FRMD5: variants seen among roughly 807,000 people sequenced by gnomAD.
FRMD5 encodes the protein FERM domain containing 5.
FRMD5 carries 20 observed loss-of-function variants against 69.0 expected under a neutral mutation model. The ratio of observed to expected loss-of-function variants is 0.29; its 90% CI spans 0.20 to 0.42. The LOEUF (loss-of-function observed/expected upper bound fraction) is 0.42, where lower values mean the gene tolerates loss of function less well. Among genes scored for constraint, FRMD5 ranks in the 10% least tolerant of loss-of-function variants. The pLI is 1.00. For synonymous variants in FRMD5, 271 were observed against 260.1 expected, an observed-to-expected ratio of 1.04 and a Z score of -0.40; for missense variants, 595 against 708.6, an observed-to-expected ratio of 0.84 and a Z score of 1.82.
chr15:44,002,148 C>T (rs990920269), intron 1 of FRMD5, among the ~76,000 whole-genome samples: 3 of 152,170 alleles, frequency 2.0e-5, no homozygotes, highest in African/African-American at 7.2e-5. Flanking sequence ...GCCCATCTTA[C>T]CCTTTCTCTG....
Position 43,874,192 on chromosome 15 carries a change from G to C in FRMD5, c.1406C>G (p.Ala469Gly), listed in dbSNP as rs761718941. 2 of 1,614,230 alleles carry C rather than the reference G, an allele frequency of 1.2e-6. No individual in the cohort carries two copies. Among genetic ancestry groups the C allele is most frequent in the South Asian group, 2.2e-5 (2 of 91,082 alleles). Residue 469 changes from alanine to glycine, a missense_variant, in exon 14 of 14, where the codon GCT becomes GGT. This residue lies in a region of FRMD5 where 245 missense variants were observed against 227.1 expected (regional missense o/e 1.08). Transcript: ENST00000417257. ...TCCCCCAAGGGCCTCCACCTCTGTA[G>C]CAGTTGGGGTGCTGGCTTCAGATTC... The part of the protein sequence containing the change: ...EKESEASTPT[A>G]TEVEALGGEL...
intron 1 of FRMD5, among the ~76,000 whole-genome samples, chr15:44,118,435 G>A (rs1464889255): frequency 6.6e-6 from 1 of 152,118 alleles, no homozygotes; most frequent in African/African-American, 2.4e-5. Context: ...ACCACTACAA[G>A]GCCAACTTTA....
At chr15:44,049,187 C>T (rs999045788) in intron 1 of FRMD5, among the ~76,000 whole-genome samples, 2 of 152,142 alleles carry the variant, frequency 1.3e-5, no homozygotes, top group Non-Finnish European at 2.9e-5. Context: ...AGCTCCCAAA[C>T]CAGACCTCTA....
At chr15:43,944,212 TA>T (rs1393125766) in intron 1 of FRMD5, among the ~76,000 whole-genome samples, 1 of 152,246 alleles carries the variant, frequency 6.6e-6, no homozygotes, top group Admixed American at 6.5e-5. Flanking sequence ...GTGGGAACTC[TA>T]TAGAGTCCTG....
intron 1 of FRMD5, chr15:44,194,608 C>A (rs2140628372): frequency 2.7e-6 from 1 of 371,068 alleles, no homozygotes; most frequent in Non-Finnish European, 5.0e-6. Flanking sequence ...TAGGAGCCTA[C>A]CGCCCTACCC....
In FRMD5 at chr15:44,007,636, A is replaced by G. The variant is rs868569438; in HGVS notation, c.103-83327T>C. Among the ~76,000 whole-genome samples, 10 of 80,822 alleles carry G rather than the reference A, an allele frequency of 1.2e-4. No homozygotes were observed. The East Asian group carries it at 3.7e-3, about 30-fold the overall frequency. 53.0% of individuals were successfully genotyped at this position (80,822 alleles called of 152,430 possible). On this transcript the variant is annotated intron_variant, in intron 1 of 13. Coordinates refer to ENST00000417257, the MANE Select transcript of FRMD5 (RefSeq NM_032892.5). ...ATCTAATTTTTTTAATTAATTAACT[A>G]ATTTTTTTTTTTTTTTTTTTTTTTT...
chr15:44,105,669 G>C (rs966870286), intron 1 of FRMD5, among the ~76,000 whole-genome samples: 2 of 152,106 alleles, frequency 1.3e-5, no homozygotes, highest in Admixed American at 6.5e-5. Flanking sequence ...TTTATTTGTA[G>C]CTTGTCATTT....
At chr15:44,099,497 T>C (rs1332838928) in intron 1 of FRMD5, among the ~76,000 whole-genome samples, 1 of 152,002 alleles carries the variant, frequency 6.6e-6, no homozygotes, top group African/African-American at 2.4e-5. Context: ...AGGAGACTGT[T>C]AAAACTGAAA....
At chr15:43,918,385 C>G (rs573562738) in intron 4 of FRMD5, among the ~76,000 whole-genome samples, 9 of 152,298 alleles carry the variant, frequency 5.9e-5, no homozygotes, top group Admixed American at 1.3e-4. Flanking sequence ...GATCGCGCCA[C>G]TGCACTCCAG....
chr15:44,159,484 T>G (rs573310088), intron 1 of FRMD5, among the ~76,000 whole-genome samples: 1 of 152,108 alleles, frequency 6.6e-6, no homozygotes, highest in Non-Finnish European at 1.5e-5. Context: ...TGAGAGGCAG[T>G]GAGACAAAAG....
chr15:43,977,118 G>A (rs1230025963), intron 1 of FRMD5, among the ~76,000 whole-genome samples: 1 of 152,102 alleles, frequency 6.6e-6, no homozygotes, highest in Non-Finnish European at 1.5e-5. Context: ...ACAGGTGTGA[G>A]CCACTGTGCC....
intron 1 of FRMD5, among the ~76,000 whole-genome samples, chr15:43,952,934 T>C (rs570334161): frequency 1.7e-3 from 258 of 152,366 alleles, no homozygotes; most frequent in African/African-American, 6.1e-3. Context: ...GAGGCTAATC[T>C]GGTCCTGAGA....
At chr15:44,179,952 T>C (rs1336705665) in intron 1 of FRMD5, among the ~76,000 whole-genome samples, 1 of 149,726 alleles carries the variant, frequency 6.7e-6, no homozygotes, top group African/African-American at 2.5e-5. Flanking sequence ...AGTGGGAGGA[T>C]CATTTGAGGC....
intron 1 of FRMD5, among the ~76,000 whole-genome samples, chr15:44,148,732 C>T (rs1046206682): frequency 6.6e-6 from 1 of 152,156 alleles, no homozygotes; most frequent in Non-Finnish European, 1.5e-5. Flanking sequence ...ATAATGCTAT[C>T]GCACTTAGTA....
chr15:43,980,452 T>C (rs1050506355), intron 1 of FRMD5, among the ~76,000 whole-genome samples: 2 of 152,200 alleles, frequency 1.3e-5, no homozygotes, highest in African/African-American at 4.8e-5. Flanking sequence ...CTTATTTACC[T>C]CCTAAAGTCT....
intron 1 of FRMD5, among the ~76,000 whole-genome samples, chr15:44,091,326 A>G (rs147400107): frequency 6.6e-6 from 1 of 152,272 alleles, no homozygotes; most frequent in East Asian, 1.9e-4. Context: ...TTACATATAT[A>G]GCCTGATATA....
chr15:44,040,985 T>C (rs1416886161), intron 1 of FRMD5, among the ~76,000 whole-genome samples: 1 of 80,322 alleles, frequency 1.2e-5, no homozygotes, highest in Non-Finnish European at 2.2e-5. Flanking sequence ...ACCAAGGAAA[T>C]GGAAAGCAAA....
At chr15:44,030,468 T>G (rs1408942414) in intron 1 of FRMD5, among the ~76,000 whole-genome samples, 1 of 152,232 alleles carries the variant, frequency 6.6e-6, no homozygotes, top group Non-Finnish European at 1.5e-5. Context: ...CACTACTTTA[T>G]GTGTTAATGA....
At chr15:44,190,863 T>C (rs1219311012) in intron 1 of FRMD5, among the ~76,000 whole-genome samples, 1 of 152,256 alleles carries the variant, frequency 6.6e-6, no homozygotes, top group Non-Finnish European at 1.5e-5. Context: ...GATGTGATAA[T>C]TCTTAGGGTT....
Sources: allele counts gnomAD v4.1 joint callset (sites outside exome capture counted in the v4.1 genomes callset), GRCh38; gene constraint gnomAD v4.1.1; regional missense constraint gnomAD v4.1.1; transcripts MANE v1.5; gene names NCBI Gene and HGNC (gene_info 2026-07-23, HGNC 2026-07-21).